The following PPFIA2 variants were observed in gnomAD, a reference collection of about 807,000 sequenced individuals.
PPFIA2 encodes liprin-alpha-2.
PPFIA2 carries 46 observed loss-of-function variants against 175.5 expected under a neutral mutation model. The observed-to-expected ratio is 0.26, with a 90% CI of 0.21 to 0.34. PPFIA2 has a LOEUF of 0.34. Ranked by LOEUF, PPFIA2 falls within the 10% of genes least tolerant of loss-of-function variation. The pLI is 1.00. For synonymous variants in PPFIA2, 568 were observed against 511.4 expected (o/e 1.11, Z -1.49); for missense variants, 1,179 against 1,506.1 (o/e 0.78, Z 3.60).
chr12:81,449,973 C>T (rs1250105595), intron 5 of PPFIA2, among the ~76,000 whole-genome samples: 1 of 152,018 alleles, frequency 6.6e-6, no homozygotes, highest in Non-Finnish European at 1.5e-5. Flanking sequence ...ATGGACTCAT[C>T]CTTTTTTATG....
At chr12:81,628,494 A>G (rs1332811393) in intron 4 of PPFIA2, among the ~76,000 whole-genome samples, 1 of 147,618 alleles carries the variant, frequency 6.8e-6, no homozygotes, top group African/African-American at 2.5e-5. Flanking sequence ...CTCCTGTCTC[A>G]GCCTCCTAAG....
At chr12:81,352,990 G>T in intron 17 of PPFIA2, 129 bp downstream of exon 17, 1 of 721,372 alleles carries the variant, frequency 1.4e-6, no homozygotes, top group African/African-American at 1.8e-5. Context: ...TGTACGGGGT[G>T]AGGTCTGAGA....
intron 4 of PPFIA2, among the ~76,000 whole-genome samples, chr12:81,522,583 A>G (rs183123603): frequency 3.4e-4 from 52 of 152,344 alleles, no homozygotes; most frequent in African/African-American, 1.3e-3. Context: ...GCTCAGTGCT[A>G]TAATTCATCC....
At chr12:81,452,248 A>G (rs2052719198) in intron 5 of PPFIA2, among the ~76,000 whole-genome samples, 1 of 152,208 alleles carries the variant, frequency 6.6e-6, no homozygotes, top group Non-Finnish European at 1.5e-5. Context: ...TTCTAAAACT[A>G]TATAACTTCC....
At chr12:81,388,265 T>C (rs957191508) in intron 8 of PPFIA2, among the ~76,000 whole-genome samples, 9 of 152,152 alleles carry the variant, frequency 5.9e-5, no homozygotes, top group Non-Finnish European at 1.3e-4. Context: ...GAAGAAACTA[T>C]TGTACTCTTG....
At chr12:81,571,542 A>G (rs2072548446) in intron 4 of PPFIA2, among the ~76,000 whole-genome samples, 1 of 152,034 alleles carries the variant, frequency 6.6e-6, no homozygotes, top group East Asian at 1.9e-4. Context: ...TAAGCAAGTT[A>G]CTCATCTGGA....
chr12:81,664,086 C>A (rs1596169984), intron 4 of PPFIA2, among the ~76,000 whole-genome samples: 1 of 152,246 alleles, frequency 6.6e-6, no homozygotes, highest in African/African-American at 2.4e-5. Flanking sequence ...CATAAAAACC[C>A]TAGAAGAAAA....
At chr12:81,394,447 G>A (rs944079574) in intron 8 of PPFIA2, among the ~76,000 whole-genome samples, 5 of 151,902 alleles carry the variant, frequency 3.3e-5, no homozygotes, top group South Asian at 2.1e-4. Flanking sequence ...TTTCACTTCT[G>A]TCAGAGAATC....
intron 4 of PPFIA2, among the ~76,000 whole-genome samples, chr12:81,458,518 T>C (rs759566420): frequency 6.6e-5 from 10 of 152,158 alleles, no homozygotes; most frequent in Non-Finnish European, 1.2e-4. Flanking sequence ...TAGTGGGAGC[T>C]CAAATGGTAT....
chr12:81,677,495 CCTCCCAA>C (rs1455713605), intron 3 of PPFIA2, among the ~76,000 whole-genome samples: 2 of 151,876 alleles, frequency 1.3e-5, no homozygotes, highest in Non-Finnish European at 2.9e-5. Context: ...TTTTTCACCA[CCTCCCAA>C]CTAGCCTTCC....
At chr12:81,314,210 A>T (rs531341638) in intron 22 of PPFIA2, among the ~76,000 whole-genome samples, 1 of 151,946 alleles carries the variant, frequency 6.6e-6, no homozygotes, top group African/African-American at 2.4e-5. Flanking sequence ...TTTTGTGCTA[A>T]TATATTATAA....
At chr12:81,708,931 G>A (rs1034216049) in intron 3 of PPFIA2, among the ~76,000 whole-genome samples, 3 of 152,084 alleles carry the variant, frequency 2.0e-5, no homozygotes, top group African/African-American at 7.2e-5. Context: ...ATTTTCTCAA[G>A]GCAAGGTAAT....
At chr12:81,354,574 C>T (rs2060567038) in intron 16 of PPFIA2, among the ~76,000 whole-genome samples, 1 of 152,152 alleles carries the variant, frequency 6.6e-6, no homozygotes, top group Non-Finnish European at 1.5e-5. Context: ...GTTATTTCCT[C>T]CACAGAAGTA....
chr12:81,617,797 T>C (rs983854942), intron 4 of PPFIA2, among the ~76,000 whole-genome samples: 1 of 152,242 alleles, frequency 6.6e-6, no homozygotes, highest in African/African-American at 2.4e-5. Context: ...CACACTATTC[T>C]AGGCATTTAG....
At chr12:81,526,224 C>T (rs2063715940) in intron 4 of PPFIA2, among the ~76,000 whole-genome samples, 1 of 152,166 alleles carries the variant, frequency 6.6e-6, no homozygotes, top group African/African-American at 2.4e-5. Flanking sequence ...GATGTGATTT[C>T]AGTGAACCTC....
chr12:81,333,218 T>A (rs2056476269), intron 21 of PPFIA2, among the ~76,000 whole-genome samples: 1 of 152,206 alleles, frequency 6.6e-6, no homozygotes, highest in Non-Finnish European at 1.5e-5. Flanking sequence ...CACCCCACTG[T>A]TCTTTCTTAC....
chr12:81,464,223 G>A (rs2055165951), intron 4 of PPFIA2, among the ~76,000 whole-genome samples: 1 of 152,048 alleles, frequency 6.6e-6, no homozygotes, highest in South Asian at 2.1e-4. Flanking sequence ...GAGCCTTGCT[G>A]TTTACTTAAC....
intron 3 of PPFIA2, among the ~76,000 whole-genome samples, chr12:81,681,451 A>G (rs932289801): frequency 6.6e-6 from 1 of 152,012 alleles, no homozygotes; most frequent in Admixed American, 6.6e-5. Flanking sequence ...GTTGAGCTCC[A>G]GGAAGAGTGA....
At chr12:81,275,068 A>G (rs1459148003) in intron 28 of PPFIA2, among the ~76,000 whole-genome samples, 2 of 152,226 alleles carry the variant, frequency 1.3e-5, no homozygotes, top group African/African-American at 4.8e-5. Context: ...AGGAAACTAC[A>G]AAGTGGTATC....
Sources: allele counts gnomAD v4.1 joint callset (sites outside exome capture counted in the v4.1 genomes callset), GRCh38; gene constraint gnomAD v4.1.1; transcripts MANE v1.5; gene names NCBI Gene and HGNC (gene_info 2026-07-23, HGNC 2026-07-21).